BRAF: variants seen among roughly 807,000 people sequenced by gnomAD.
BRAF encodes the protein serine/threonine-protein kinase B-raf.
A neutral mutation model predicts 104.6 loss-of-function variants in BRAF; 16 were observed. The observed-to-expected ratio is 0.15, with a 90% CI of 0.10 to 0.23. The LOEUF (loss-of-function observed/expected upper bound fraction) is 0.23, where lower values mean the gene tolerates loss of function less well. BRAF is among the 10% of genes least tolerant of loss of function. The probability of loss-of-function intolerance (pLI) is 1.00; values close to 1 mark genes in which losing one functional copy is unlikely to be tolerated. For synonymous variants in BRAF, 310 were observed against 341.6 expected (o/e 0.91, Z 1.02); for missense variants, 541 against 937.3 (o/e 0.58, Z 5.52).
chr7:140,794,435 T>A lies in BRAF; in HGVS notation c.1013A>T (p.Lys338Ile). The change falls in exon 8 of 20, where the codon AAA becomes ATA. Residue 338 changes from lysine (K) to isoleucine (I), a missense_variant. Around this residue, in one of 10 missense-constraint regions of BRAF, gnomAD observed 79 missense variants for 74.6 expected, o/e 1.06. Coordinates refer to ENST00000644969, the MANE Select transcript of BRAF (RefSeq NM_001374258.1). Reference protein sequence around the residue: ...PQILTSPSPSKSIPIPQPFRP... With the variant: ...PQILTSPSPSISIPIPQPFRP... ...GAAGGGCTGTGGAATTGGAATGGAT[T>A]TTGAAGGAGACGGACTGGTGAGAAT... 1.2e-6 allele frequency: 2 copies of A among 1,614,130 alleles called. No individual in the cohort carries two copies. Among genetic ancestry groups the A allele is most frequent in the Non-Finnish European group, 1.7e-6 (2 of 1,180,020 alleles).
intron 16 of BRAF, among the ~76,000 whole-genome samples, chr7:140,750,542 C>A (rs1000629028): frequency 3.3e-5 from 5 of 152,180 alleles, no homozygotes; most frequent in Non-Finnish European, 7.3e-5. Context: ...AAGTTGAGAA[C>A]CACTGATGGA....
intron 14 of BRAF, among the ~76,000 whole-genome samples, chr7:140,763,318 G>T (rs1187898507): frequency 6.7e-6 from 1 of 148,852 alleles, no homozygotes; most frequent in African/African-American, 2.5e-5. Flanking sequence ...TGGACAGGGC[G>T]GCTGGCCGGG....
rs1795288681 is a variant in BRAF, at chr7:140,720,898, C to G, written c.*5596G>C. On this transcript the variant is annotated 3_prime_UTR_variant, in exon 20 of 20. Transcript: ENST00000644969. ...ACCCTTCCTTTGCGGCATCTCTTCA[C>G]AAATTTTCTGCCAACTCTCCCGCAT... 9.4e-7 allele frequency: 1 copy of G among 1,065,990 alleles called. No individual in the cohort carries two copies. The highest frequency in any genetic ancestry group is 1.1e-6 in the Non-Finnish European group (1 of 879,768). The allele number at this position is 1,065,990 out of a possible 1,614,324, so 66.0% of individuals were successfully genotyped here. A position where few individuals can be genotyped will look rare whatever the true frequency, so the allele number is the denominator to read the frequency against.
intron 1 of BRAF, among the ~76,000 whole-genome samples, chr7:140,863,847 T>C (rs1810664034): frequency 6.6e-6 from 1 of 152,204 alleles, no homozygotes; most frequent in Non-Finnish European, 1.5e-5. Context: ...GCCAGTATCA[T>C]GCTTTCTGTA....
Position 140,761,107 on chromosome 7 carries a change from A to AT in BRAF, c.1815-6875_1815-6874insA, listed in dbSNP as rs920865885. On this transcript the variant is annotated intron_variant, in intron 14 of 19. Transcript: ENST00000644969. ...AACTGTCAGATTCACCAAAGTTGAA[A>AT]GAAGGAAAAAATGTTAAGGGCAGCC... is the stretch of plus-strand genomic sequence containing the variant. Among the ~76,000 whole-genome samples the AT allele has an allele frequency of 7.7e-3, 1,165 of 152,266 alleles. 18 individuals are homozygous for AT. Among genetic ancestry groups the AT allele is most frequent in the African/African-American group, 0.026 (1,098 of 41,558 alleles).
chr7:140,722,671 C>CTCTT lies in BRAF; in HGVS notation c.*3819_*3822dup. On this transcript the variant is annotated 3_prime_UTR_variant, in exon 20 of 20. Transcript: ENST00000644969. The stretch of plus-strand genomic sequence containing the variant: ...TTGCAAAAAGAGTAATCATTCTACC[C>CTCTT]TCTTAGCTGGGTGGTCTTTCTATGA... 9.5e-7 allele frequency: 1 copy of CTCTT among 1,052,364 alleles called. No homozygotes were observed. The highest frequency in any genetic ancestry group is 1.7e-5 in the African/African-American group (1 of 60,500). 65.2% of individuals were successfully genotyped at this position (1,052,364 alleles called of 1,614,324 possible).
At chr7:140,731,606 G>A (rs1275055182) in intron 19 of BRAF, 1 of 152,094 alleles carries the variant, frequency 6.6e-6, no homozygotes, top group African/African-American at 2.4e-5. Flanking sequence ...GTTTTAGAGA[G>A]GACAATTTTA....
chr7:140,781,624 T>C lies in BRAF; in HGVS notation c.1504A>G (p.Arg502Gly). The change falls in exon 12 of 20, where the codon AGA (arginine) becomes GGA (glycine). Residue 502 changes from arginine to glycine, a missense_variant. This residue lies in a region of BRAF where 109 missense variants were observed against 143.9 expected (regional missense o/e 0.76). Transcript: ENST00000644969. Reference protein sequence around the residue: ...IPDGQITVGQRIGSGSFGTVY... With the variant: ...IPDGQITVGQGIGSGSFGTVY... ...GTTCCAAATGATCCAGATCCAATTC[T>C]TTGTCCCACTGTAATCTGCCCATCA... The C allele has an allele frequency of 6.2e-7, 1 of 1,614,124 alleles. No individual in the cohort carries two copies. The highest frequency in any genetic ancestry group is 8.5e-7 in the Non-Finnish European group (1 of 1,180,008).
intron 19 of BRAF, among the ~76,000 whole-genome samples, chr7:140,727,185 CTTT>C (rs927393889): frequency 3.9e-5 from 5 of 128,634 alleles, no homozygotes; most frequent in Admixed American, 7.7e-5. Context: ...TTATTTTTTT[CTTT>C]TTTTTTTTTT....
At chr7:140,761,983 G>A (rs1230264605) in intron 14 of BRAF, among the ~76,000 whole-genome samples, 1 of 152,088 alleles carries the variant, frequency 6.6e-6, no homozygotes, top group Non-Finnish European at 1.5e-5. Flanking sequence ...AGATCAACGC[G>A]ACAGAAAGTT....
intron 18 of BRAF, among the ~76,000 whole-genome samples, chr7:140,735,342 C>T (rs1796316555): frequency 2.6e-5 from 4 of 152,176 alleles, no homozygotes; most frequent in Admixed American, 2.6e-4. Flanking sequence ...GATAGGAGAA[C>T]TCGACAAATA....
intron 17 of BRAF, among the ~76,000 whole-genome samples, chr7:140,746,840 A>G (rs1358628376): frequency 3.3e-5 from 5 of 151,734 alleles, no homozygotes; most frequent in Non-Finnish European, 7.4e-5. Context: ...GGAAAAAAAA[A>G]AAAAGAAAAA....
intron 3 of BRAF, among the ~76,000 whole-genome samples, chr7:140,814,146 G>A (rs1345268057): frequency 6.6e-6 from 1 of 152,052 alleles, no homozygotes; most frequent in Non-Finnish European, 1.5e-5. Context: ...TGATTAGCTT[G>A]TCAGAGCAAT....
intron 3 of BRAF, among the ~76,000 whole-genome samples, chr7:140,815,393 C>A (rs1804765701): frequency 1.3e-5 from 2 of 151,280 alleles, no homozygotes; most frequent in Admixed American, 1.3e-4. Context: ...GATTCGCCCG[C>A]CTCAGCCTCC....
chr7:140,815,547 C>T (rs564456915), intron 3 of BRAF, among the ~76,000 whole-genome samples: 2 of 150,714 alleles, frequency 1.3e-5, no homozygotes, highest in Admixed American at 6.6e-5. Context: ...GATTCTCATG[C>T]CTCAGCTTCC....
intron 17 of BRAF, among the ~76,000 whole-genome samples, chr7:140,748,210 GAT>G (rs1562938576): frequency 6.6e-6 from 1 of 152,164 alleles, no homozygotes; most frequent in Non-Finnish European, 1.5e-5. Context: ...GCACCAAAAA[GAT>G]AGAGCTGAGC....
At chr7:140,745,844 C>T (rs139344922) in intron 17 of BRAF, among the ~76,000 whole-genome samples, 52 of 152,256 alleles carry the variant, frequency 3.4e-4, no homozygotes, top group African/African-American at 1.2e-3. Flanking sequence ...GTACTTACTT[C>T]CTGTTTCTTC....
intron 18 of BRAF, among the ~76,000 whole-genome samples, chr7:140,738,207 T>C (rs529954224): frequency 6.6e-6 from 1 of 152,246 alleles, no homozygotes; most frequent in Non-Finnish European, 1.5e-5. Context: ...ATGAAACTTA[T>C]ATCTACCCAG....
chr7:140,913,099 G>A (rs1035507975), intron 1 of BRAF, among the ~76,000 whole-genome samples: 3 of 152,048 alleles, frequency 2.0e-5, no homozygotes, highest in African/African-American at 7.2e-5. Context: ...CTTCTCAAGT[G>A]AGGCCTACCC....
Sources: allele counts gnomAD v4.1 joint callset (sites outside exome capture counted in the v4.1 genomes callset), GRCh38; gene constraint gnomAD v4.1.1; regional missense constraint gnomAD v4.1.1; transcripts MANE v1.5; gene names NCBI Gene and HGNC (gene_info 2026-07-23, HGNC 2026-07-21).